The following SLC37A3 variants were observed in gnomAD, a reference collection of about 807,000 sequenced individuals.
SLC37A3 encodes sugar phosphate exchanger 3.
In SLC37A3, 51 loss-of-function variants were observed where a neutral mutation model predicts 67.1. That is an observed-to-expected ratio of 0.76 (90% CI 0.61 to 0.96). SLC37A3 has a LOEUF of 0.96. SLC37A3 is among the 40% of genes least tolerant of loss of function. The pLI is 0.00. For synonymous variants in SLC37A3, 214 were observed against 231.4 expected, an observed-to-expected ratio of 0.92 and a Z score of 0.68; for missense variants, 508 against 603.0, an observed-to-expected ratio of 0.84 and a Z score of 1.65.
chr7:140,335,325 T>A lies in SLC37A3; in HGVS notation c.*87A>T, dbSNP rs951908074. 4.3e-6 allele frequency: 7 copies of A among 1,614,072 alleles called. 1 individual carries two copies. In the Middle Eastern group the frequency reaches 9.9e-4, roughly 228 times the overall value. Reference sequence around the variant, plus strand: ...TGACAATCCAAGATCAGGCTGGAGCTCCTAGACAAACCCAAATTAGGGCAG... The same window carrying A: ...TGACAATCCAAGATCAGGCTGGAGCACCTAGACAAACCCAAATTAGGGCAG... On this transcript the variant is annotated 3_prime_UTR_variant, in exon 15 of 15. Coordinates refer to ENST00000326232, the MANE Select transcript of SLC37A3 (RefSeq NM_207113.3).
At position 140,342,321 on chromosome 7, in the gene SLC37A3, T is replaced by C. The variant is rs557749080; in HGVS notation, c.1326+1091A>G. Among the ~76,000 whole-genome samples the C allele has an allele frequency of 7.9e-5, 12 of 152,250 alleles. No homozygotes were observed. In the South Asian group the frequency reaches 2.5e-3, roughly 32 times the overall value. On this transcript the variant is annotated intron_variant, in intron 13 of 14. Transcript: ENST00000326232. ...AAGGTTATTAATGACCTCCTAGATG[T>C]CAAAACTAAGAGCCTAAAAGACAAA... is the stretch of plus-strand genomic sequence containing the variant.
At chr7:140,364,268 A>C (rs1483496087) in intron 5 of SLC37A3, 140 bp downstream of exon 5, 8 of 732,854 alleles carry the variant, frequency 1.1e-5, no homozygotes, top group Non-Finnish European at 1.3e-5. Flanking sequence ...GAAAAAAAAG[A>C]CTCATCTAAG....
At chr7:140,357,270 C>T (rs943217609) in intron 6 of SLC37A3, among the ~76,000 whole-genome samples, 1 of 152,032 alleles carries the variant, frequency 6.6e-6, no homozygotes, top group African/African-American at 2.4e-5. Flanking sequence ...AGCCATTCTA[C>T]CCCTAGATAT....
intron 5 of SLC37A3, among the ~76,000 whole-genome samples, chr7:140,362,929 T>C (rs1309926591): frequency 1.5e-5 from 1 of 66,158 alleles, no homozygotes; most frequent in Non-Finnish European, 3.2e-5. Flanking sequence ...AGCCGCCCTG[T>C]CCGGGAGGGA....
intron 3 of SLC37A3, among the ~76,000 whole-genome samples, chr7:140,374,420 C>G (rs564970258): frequency 6.6e-6 from 1 of 151,888 alleles, no homozygotes; most frequent in South Asian, 2.1e-4. Flanking sequence ...TCACTTGAAC[C>G]CAGGAGGCAG....
At chr7:140,357,853 G>T (rs1466823051) in intron 6 of SLC37A3, among the ~76,000 whole-genome samples, 1 of 151,578 alleles carries the variant, frequency 6.6e-6, no homozygotes, top group Non-Finnish European at 1.5e-5. Context: ...GGAGGCGGAG[G>T]TTGCAGTGAG....
intron 8 of SLC37A3, 60 bp from the exon 9 acceptor site, chr7:140,351,511 A>T: frequency 2.0e-6 from 3 of 1,496,028 alleles, no homozygotes; most frequent in Non-Finnish European, 2.7e-6. Flanking sequence ...AGGGCTCTGC[A>T]TACATCCCTA....
chr7:140,350,728 C>T (rs1000143169), intron 9 of SLC37A3, among the ~76,000 whole-genome samples: 1 of 152,098 alleles, frequency 6.6e-6, no homozygotes, highest in African/African-American at 2.4e-5. Context: ...TGCGCCACTG[C>T]ACTCCAGCCT....
intron 13 of SLC37A3, among the ~76,000 whole-genome samples, chr7:140,343,078 C>G (rs1796419553): frequency 6.6e-6 from 1 of 152,104 alleles, no homozygotes; most frequent in Non-Finnish European, 1.5e-5. Context: ...TAACAAGAAG[C>G]ACCCCCCACC....
chr7:140,344,527 A>T (rs1017419900), intron 12 of SLC37A3, among the ~76,000 whole-genome samples: 2 of 151,368 alleles, frequency 1.3e-5, no homozygotes, highest in Non-Finnish European at 2.9e-5. Flanking sequence ...AGGCCAAGGC[A>T]GGTGGATCAC....
intron 7 of SLC37A3, among the ~76,000 whole-genome samples, chr7:140,352,975 C>A (rs1003094132): frequency 6.6e-6 from 1 of 152,014 alleles, no homozygotes; most frequent in Admixed American, 6.6e-5. Flanking sequence ...TCATCTGAAC[C>A]AACTATACAA....
intron 10 of SLC37A3, among the ~76,000 whole-genome samples, chr7:140,346,467 A>G (rs900579405): frequency 1.3e-5 from 2 of 152,222 alleles, no homozygotes; most frequent in Non-Finnish European, 2.9e-5. Context: ...CATGATGACC[A>G]GTGGGGACAG....
rs1162910336 is a variant in SLC37A3 at position 140,363,176 on chromosome 7, A to ACCC, written c.375+1229_375+1231dup. ...TGAGGAGCCCCTCTGCCCGGCCACG[A>ACCC]CCCCGTCTGGGAGGTGTGCCCAGCG... is the stretch of plus-strand genomic sequence containing the variant. On this transcript the variant is annotated intron_variant, in intron 5 of 14. Transcript: ENST00000326232. Among the ~76,000 whole-genome samples, 2 of 82,116 alleles carry ACCC rather than the reference A, an allele frequency of 2.4e-5. 1 individual carries two copies. The highest frequency in any genetic ancestry group is 5.3e-5 in the Non-Finnish European group (2 of 37,516). The allele number at this position is 82,116 out of a possible 152,430, so 53.9% of individuals were successfully genotyped here.
chr7:140,346,911 T>C (rs142203447), intron 10 of SLC37A3, among the ~76,000 whole-genome samples: 16,512 of 151,850 alleles, frequency 0.11, 1,004 homozygotes, highest in Non-Finnish European at 0.13. Flanking sequence ...CACTCTAGCC[T>C]GGGCAACAGA....
intron 13 of SLC37A3, among the ~76,000 whole-genome samples, chr7:140,339,553 G>A (rs528177723): frequency 9.9e-5 from 15 of 152,072 alleles, no homozygotes; most frequent in African/African-American, 2.2e-4. Flanking sequence ...GAGCCACCGC[G>A]CCCGGCCCCC....
At position 140,335,439 on chromosome 7, in the gene SLC37A3, C is replaced by T. The variant is rs1796095243; in HGVS notation, c.1458G>A (p.Arg486=). 1 of 1,614,044 alleles carries T rather than the reference C, an allele frequency of 6.2e-7. No individual in the cohort carries two copies. Among genetic ancestry groups the T allele is most frequent in the African/African-American group, 1.3e-5 (1 of 74,922 alleles). Residue 486 remains arginine (R), a synonymous_variant, in exon 15 of 15, where the codon AGG becomes AGA. Coordinates refer to ENST00000326232, the MANE Select transcript of SLC37A3 (RefSeq NM_207113.3). ...ACTCCCTCAATATGTGAGCCTGTCT[C>T]CTTAGCACGAGAGAGAATATTTCCC... ...IVREIFSLVL[R]RQAHILRE
chr7:140,367,411 G>A (rs1224210781), intron 4 of SLC37A3, among the ~76,000 whole-genome samples: 1 of 152,088 alleles, frequency 6.6e-6, no homozygotes, highest in Non-Finnish European at 1.5e-5. Flanking sequence ...ACTCCAGCCT[G>A]GGCAAGAGAG....
chr7:140,386,417 C>A (rs921124612), intron 1 of SLC37A3, among the ~76,000 whole-genome samples: 1 of 150,298 alleles, frequency 6.7e-6, no homozygotes, highest in African/African-American at 2.5e-5. Context: ...ACATTTAAGA[C>A]GAATACTACG....
Position 140,364,504 on chromosome 7 carries a change from C to T in SLC37A3, c.292-13G>A. Reference sequence around the variant, plus strand: ...TGATGAATAGGCCCTAAAAATAAAGCATTTTCTTTTACAGCTCTAAATAAT... The same window carrying T: ...TGATGAATAGGCCCTAAAAATAAAGTATTTTCTTTTACAGCTCTAAATAAT... On this transcript the variant is annotated splice_polypyrimidine_tract_variant and intron_variant, in intron 4 of 14. Coordinates refer to ENST00000326232, the MANE Select transcript of SLC37A3 (RefSeq NM_207113.3). 1.2e-6 allele frequency: 2 copies of T among 1,611,436 alleles called. No homozygotes were observed. The highest frequency in any genetic ancestry group is 8.5e-7 in the Non-Finnish European group (1 of 1,178,454).
Sources: allele counts gnomAD v4.1 joint callset (sites outside exome capture counted in the v4.1 genomes callset), GRCh38; gene constraint gnomAD v4.1.1; transcripts MANE v1.5; gene names NCBI Gene and HGNC (gene_info 2026-07-23, HGNC 2026-07-21).